SCAI: variants seen among roughly 807,000 people sequenced by gnomAD.
SCAI encodes the protein suppressor of cancer cell invasion.
Under a neutral mutation model 92.2 loss-of-function variants are expected in SCAI, and 24 were observed. The observed-to-expected ratio is 0.26, with a 90% confidence interval of 0.19 to 0.37. SCAI has a LOEUF of 0.37. Among genes scored for constraint, SCAI ranks in the 10% least tolerant of loss-of-function variants. The probability of loss-of-function intolerance (pLI) is 1.00; values close to 1 mark genes in which losing one functional copy is unlikely to be tolerated. For synonymous variants in SCAI, 261 were observed against 258.6 expected (o/e 1.01, Z -0.09); for missense variants, 450 against 736.2 (o/e 0.61, Z 4.50).
intron 11 of SCAI, among the ~76,000 whole-genome samples, chr9:125,002,486 C>CTTTTTTTTTTTTTT (rs1564373440): frequency 2.7e-4 from 17 of 62,760 alleles, no homozygotes; most frequent in Admixed American, 6.9e-4. Flanking sequence ...GTTTTTTAGT[C>CTTTTTTTTTTTTTT]TGTTTTTTTT....
Position 124,942,987 on chromosome 9 carries a change from A to G in SCAI, c.*9820T>C, listed in dbSNP as rs1448691953. ...TCTTTTATGACAAATCACATCTCAT[A>G]CAAGAGTCAAAAGTGATGAACTCAA... On this transcript the variant is annotated 3_prime_UTR_variant, in exon 18 of 18. Transcript: ENST00000336505. 1 of 152,246 alleles carries G rather than the reference A, an allele frequency of 6.6e-6. No homozygotes were observed. Among genetic ancestry groups the G allele is most frequent in the African/African-American group, 2.4e-5 (1 of 41,480 alleles). 9.4% of individuals were successfully genotyped at this position (152,246 alleles called of 1,614,324 possible). A position where few individuals can be genotyped will look rare whatever the true frequency, so the allele number is the denominator to read the frequency against.
intron 3 of SCAI, among the ~76,000 whole-genome samples, chr9:125,053,941 G>C (rs1294963495): frequency 6.6e-6 from 1 of 152,080 alleles, no homozygotes; most frequent in Non-Finnish European, 1.5e-5. Context: ...GCTTTTAAAT[G>C]CCTTCCTACC....
Position 124,952,961 on chromosome 9 carries a change from G to T in SCAI, c.1675-8C>A. On this transcript the variant is annotated splice_polypyrimidine_tract_variant and splice_region_variant and intron_variant, in intron 17 of 17. Transcript: ENST00000336505. ...TGGATAATTTCGTGTTTCCTGGTAGGCAAAGAAGAGAAAAGTCAAGTTTTG... is the reference window on the plus strand; with the variant it reads ...TGGATAATTTCGTGTTTCCTGGTAGTCAAAGAAGAGAAAAGTCAAGTTTTG... 1 of 1,612,464 alleles carries T rather than the reference G, an allele frequency of 6.2e-7. No individual in the cohort carries two copies. The highest frequency in any genetic ancestry group is 8.5e-7 in the Non-Finnish European group (1 of 1,179,372).
chr9:124,965,904 A>G (rs4838239), intron 17 of SCAI, among the ~76,000 whole-genome samples: 94,155 of 152,008 alleles, frequency 0.62, 29,484 homozygotes, highest in Admixed American at 0.66. Flanking sequence ...TGTGAGAACC[A>G]CTAGAGATCA....
At chr9:125,037,699 G>A (rs1246905546) in intron 3 of SCAI, among the ~76,000 whole-genome samples, 2 of 152,156 alleles carry the variant, frequency 1.3e-5, no homozygotes. Flanking sequence ...CGGATCATTT[G>A]AGGTCAGGAG....
chr9:125,003,192 T>C lies in SCAI; in HGVS notation c.987A>G (p.Arg329=). ...GMQESADKPT[R]RENPHKYLLY... ...GCAGATACTTGTGGGGGTTTTCTCG[T>C]CTAGTAGGCTTGTCAGCTGATTCCT... The change falls in exon 11 of 18, where the codon AGA becomes AGG. Residue 329 remains arginine, a synonymous_variant. Coordinates refer to ENST00000336505, the MANE Select transcript of SCAI (RefSeq NM_001144877.3). The C allele has an allele frequency of 6.2e-7, 1 of 1,613,692 alleles. No homozygotes were observed. Among genetic ancestry groups the C allele is most frequent in the Non-Finnish European group, 8.5e-7 (1 of 1,179,616 alleles).
chr9:125,084,275 G>A (rs867809727), intron 2 of SCAI, among the ~76,000 whole-genome samples: 13 of 143,580 alleles, frequency 9.1e-5, no homozygotes, highest in Admixed American at 5.9e-4. Context: ...GGTTCACGCC[G>A]TTCTCCTGCC....
At chr9:124,997,145 A>G (rs1334495263) in intron 13 of SCAI, among the ~76,000 whole-genome samples, 2 of 152,192 alleles carry the variant, frequency 1.3e-5, no homozygotes, top group African/African-American at 4.8e-5. Flanking sequence ...CTGAAAATCC[A>G]AAACGAAAAA....
chr9:125,051,897 C>T (rs1400919875), intron 3 of SCAI, among the ~76,000 whole-genome samples: 3 of 151,826 alleles, frequency 2.0e-5, no homozygotes, highest in African/African-American at 7.3e-5. Flanking sequence ...GGTGAAATCC[C>T]GTTTCTACTA....
In SCAI at chr9:124,950,519, G is replaced by C. The variant is rs761444670; in HGVS notation, c.*2288C>G. 6.6e-6 allele frequency: 1 copy of C among 152,082 alleles called. No individual in the cohort carries two copies. The highest frequency in any genetic ancestry group is 1.5e-5 in the Non-Finnish European group (1 of 68,058). 9.4% of individuals were successfully genotyped at this position (152,082 alleles called of 1,614,324 possible). ...ACTCTGTGTTGGTAGGAGCATAACT[G>C]GCACAGGACTTAAGGGGAATTGAAA... On this transcript the variant is annotated 3_prime_UTR_variant, in exon 18 of 18. Transcript: ENST00000336505.
At chr9:125,061,587 T>G (rs1833769866) in intron 2 of SCAI, among the ~76,000 whole-genome samples, 1 of 152,082 alleles carries the variant, frequency 6.6e-6, no homozygotes, top group Non-Finnish European at 1.5e-5. Context: ...AGTGAAACGC[T>G]GACTCTACAA....
At chr9:125,012,874 C>G (rs1832669451) in intron 9 of SCAI, among the ~76,000 whole-genome samples, 2 of 151,978 alleles carry the variant, frequency 1.3e-5, no homozygotes, top group Non-Finnish European at 2.9e-5. Context: ...GATTAAGAAA[C>G]TCACTCAAAA....
chr9:125,124,684 A>G (rs1047174234), intron 2 of SCAI, among the ~76,000 whole-genome samples: 1 of 152,192 alleles, frequency 6.6e-6, no homozygotes, highest in African/African-American at 2.4e-5. Flanking sequence ...AAACATCCTC[A>G]CAGACACACC....
chr9:125,101,693 G>A (rs1220643596), intron 2 of SCAI, among the ~76,000 whole-genome samples: 1 of 152,130 alleles, frequency 6.6e-6, no homozygotes, highest in Non-Finnish European at 1.5e-5. Flanking sequence ...CACAAAATAT[G>A]CCAAGAACTG....
chr9:125,071,138 A>G (rs1293401656), intron 2 of SCAI, among the ~76,000 whole-genome samples: 1 of 152,180 alleles, frequency 6.6e-6, no homozygotes, highest in Non-Finnish European at 1.5e-5. Flanking sequence ...TGAGTCCATT[A>G]AACTTCTTTT....
intron 2 of SCAI, among the ~76,000 whole-genome samples, chr9:125,118,787 G>T (rs986889097): frequency 6.6e-6 from 1 of 152,082 alleles, no homozygotes; most frequent in African/African-American, 2.4e-5. Context: ...ACTTATGAGT[G>T]AGAACATGCA....
intron 2 of SCAI, among the ~76,000 whole-genome samples, chr9:125,067,407 C>T (rs1355165267): frequency 1.3e-5 from 2 of 152,078 alleles, no homozygotes; most frequent in African/African-American, 4.8e-5. Context: ...CAGAGACAGA[C>T]ACACAGGGAA....
intron 14 of SCAI, among the ~76,000 whole-genome samples, chr9:124,988,949 C>T (rs1239045205): frequency 6.6e-6 from 1 of 152,026 alleles, no homozygotes. Context: ...AACAGCCTGG[C>T]CAAGATGGTG....
chr9:125,131,563 T>C (rs2131265623), intron 2 of SCAI, among the ~76,000 whole-genome samples: 1 of 152,294 alleles, frequency 6.6e-6, no homozygotes, highest in African/African-American at 2.4e-5. Context: ...GAGCTCTTTT[T>C]GAATGCCCTT....
Sources: gnomAD v4.1 joint callset for allele counts (sites outside exome capture counted in the v4.1 genomes callset) on GRCh38, gnomAD v4.1.1 for gene constraint, MANE v1.5 for transcripts, NCBI Gene and HGNC (gene_info 2026-07-23, HGNC 2026-07-21) for gene names.